Variants in EIF4E3 observed in about 807,000 individuals in gnomAD.
EIF4E3 encodes eukaryotic translation initiation factor 4E family member 3.
A neutral mutation model predicts 31.7 loss-of-function variants in EIF4E3; 26 were observed. The ratio of observed to expected loss-of-function variants is 0.82; its 90% CI spans 0.60 to 1.14. The LOEUF (loss-of-function observed/expected upper bound fraction) is 1.14, where lower values mean the gene tolerates loss of function less well. Among genes scored for constraint, EIF4E3 ranks in the 50% most tolerant of loss-of-function variants. The probability of loss-of-function intolerance (pLI) is 0.00; values close to 1 mark genes in which losing one functional copy is unlikely to be tolerated. For synonymous variants in EIF4E3, 128 were observed against 107.7 expected, an observed-to-expected ratio of 1.19 and a Z score of -1.17; for missense variants, 304 against 270.9, an observed-to-expected ratio of 1.12 and a Z score of -0.86.
chr3:71,696,660 GTTTTTTA>G (rs1400824648), intron 3 of EIF4E3, 140 bp from the exon 4 acceptor site: 10 of 930,270 alleles, frequency 1.1e-5, no homozygotes, highest in Admixed American at 2.9e-5. Flanking sequence ...TCTTATTTTT[GTTTTTTA>G]TTTTTTATTA....
chr3:71,709,951 A>C (rs1197756008), intron 2 of EIF4E3, among the ~76,000 whole-genome samples: 3 of 151,654 alleles, frequency 2.0e-5, no homozygotes, highest in African/African-American at 7.3e-5. Flanking sequence ...CCAAGCAGAG[A>C]CTCTCCACCT....
At chr3:71,714,947 T>C (rs886176629) in intron 1 of EIF4E3, among the ~76,000 whole-genome samples, 1 of 152,356 alleles carries the variant, frequency 6.6e-6, no homozygotes, top group Middle Eastern at 3.4e-3. Flanking sequence ...GTATCACACA[T>C]ACAGTATATT....
the EIF4E3 span, among the ~76,000 whole-genome samples, chr3:71,667,176 A>G: frequency 6.6e-6 from 1 of 152,242 alleles, no homozygotes; most frequent in African/African-American, 2.4e-5. Flanking sequence ...CAATAGATGT[A>G]GAAAAGGACT....
chr3:71,745,026 T>C (rs1168902620), intron 1 of EIF4E3, among the ~76,000 whole-genome samples: 1 of 152,170 alleles, frequency 6.6e-6, no homozygotes, highest in African/African-American at 2.4e-5. Flanking sequence ...TTATCCAAAA[T>C]GTTTGACATA....
chr3:71,696,542 A>G (rs1325673403), intron 3 of EIF4E3, 22 bp from the exon 4 acceptor site: 2 of 1,613,942 alleles, frequency 1.2e-6, no homozygotes. Context: ...ACCAACGTTT[A>G]AAGTTACACT....
downstream of EIF4E3, among the ~76,000 whole-genome samples, chr3:71,674,589 G>A (rs2048862849): frequency 6.6e-6 from 1 of 152,164 alleles, no homozygotes; most frequent in South Asian, 2.1e-4. Flanking sequence ...TCATAAACAA[G>A]CAGTTAGAAG....
At chr3:71,753,662 G>GGCGGCGGCGGCGGCGGCGGCA (rs1408841055), upstream of EIF4E3, 2 of 148,822 alleles carry the variant, frequency 1.3e-5, no homozygotes, top group East Asian at 3.9e-4. Flanking sequence ...CGGCGGCGGC[G>GGCGGCGGCGGCGGCGGCGGCA]GCGGCGGCAG....
intron 1 of EIF4E3, among the ~76,000 whole-genome samples, chr3:71,714,324 GAAA>G (rs780828310): frequency 1.6e-4 from 20 of 126,932 alleles, no homozygotes; most frequent in Non-Finnish European, 2.7e-4. Context: ...GGAAAGGAAA[GAAA>G]GAAAGAAAGA....
At chr3:71,754,524 G>A, upstream of EIF4E3, 5 of 1,339,712 alleles carry the variant, frequency 3.7e-6, no homozygotes, top group Non-Finnish European at 4.8e-6. The surrounding 1 kb of genome is among the most constrained non-coding windows in gnomAD (Gnocchi z 5.8). Context: ...CTTCCCGCCA[G>A]TGCTGGACGG....
chr3:71,670,313 T>C, the EIF4E3 span, among the ~76,000 whole-genome samples: 1 of 152,202 alleles, frequency 6.6e-6, no homozygotes, highest in South Asian at 2.1e-4. Flanking sequence ...GTTGTACCAC[T>C]TGAGATAAGG....
intron 1 of EIF4E3, among the ~76,000 whole-genome samples, chr3:71,751,025 G>A (rs2108166903): frequency 6.6e-6 from 1 of 152,080 alleles, no homozygotes; most frequent in East Asian, 2.0e-4. Flanking sequence ...GCCTCCCAAA[G>A]TGCTGGGATT....
chr3:71,744,918 T>C (rs1490039125), intron 1 of EIF4E3, among the ~76,000 whole-genome samples: 2 of 152,158 alleles, frequency 1.3e-5, no homozygotes, highest in African/African-American at 2.4e-5. Flanking sequence ...TGGAAGGCAG[T>C]GCCAGGGCCA....
chr3:71,670,422 C>A (rs1237356101), downstream of EIF4E3, among the ~76,000 whole-genome samples: 3 of 152,146 alleles, frequency 2.0e-5, no homozygotes, highest in Non-Finnish European at 4.4e-5. Flanking sequence ...ACCCCCCCAA[C>A]CCCCGTGGCC....
rs544031993 is a variant in EIF4E3 at position 71,706,274 on chromosome 3, A to G, written c.249+4138T>C. ...GGCAAGGCATGACTGGCTCTTTCCA[A>G]TCATGGAATGTTTGGGCCTCTTACC... On this transcript the variant is annotated intron_variant, in intron 2 of 6. Transcript: ENST00000425534. Among the ~76,000 whole-genome samples the G allele has an allele frequency of 3.4e-4, 51 of 152,236 alleles. No individual in the cohort carries two copies. In the South Asian group the frequency reaches 0.011, roughly 32 times the overall value.
At chr3:71,711,707 T>A (rs896895074) in intron 1 of EIF4E3, among the ~76,000 whole-genome samples, 7 of 152,216 alleles carry the variant, frequency 4.6e-5, no homozygotes, top group Non-Finnish European at 8.8e-5. Flanking sequence ...CCAGCCGCTG[T>A]GGCTCATGAC....
intron 6 of EIF4E3, among the ~76,000 whole-genome samples, chr3:71,687,482 T>TA (rs1189893192): frequency 9.2e-5 from 14 of 152,220 alleles, no homozygotes; most frequent in Non-Finnish European, 2.1e-4. Context: ...CTGAAAAATG[T>TA]AAAAAGCATT....
At chr3:71,725,714 C>T (rs530074483), upstream of EIF4E3, among the ~76,000 whole-genome samples, 28 of 152,106 alleles carry the variant, frequency 1.8e-4, no homozygotes, top group South Asian at 2.1e-3. The surrounding 1 kb of genome is among the most constrained non-coding windows in gnomAD (Gnocchi z 6.1). Context: ...GACCGGGGAA[C>T]GGTCTGCGGG....
chr3:71,726,288 G>C (rs993765268), upstream of EIF4E3, among the ~76,000 whole-genome samples: 1 of 152,190 alleles, frequency 6.6e-6, no homozygotes, highest in Admixed American at 6.5e-5. Context: ...GGAGGAAAGC[G>C]GGCACCTGTG....
upstream of EIF4E3, chr3:71,754,023 C>T (rs3732739): frequency 1.1e-5 from 12 of 1,139,654 alleles, no homozygotes; most frequent in Non-Finnish European, 1.3e-5. This position sits in a 1 kb window ranked among gnomAD's most constrained non-coding sequence, Gnocchi z 5.8. Flanking sequence ...GGCCCCGGGG[C>T]GGAGCGCACG....
Sources: allele counts gnomAD v4.1 joint callset (sites outside exome capture counted in the v4.1 genomes callset), GRCh38; gene constraint gnomAD v4.1.1; non-coding constraint Gnocchi (gnomAD v3.1); transcripts MANE v1.5; gene names NCBI Gene and HGNC (gene_info 2026-07-23, HGNC 2026-07-21).